The following NCOA3 variants were observed in gnomAD, a reference collection of about 807,000 sequenced individuals.
NCOA3 encodes the protein nuclear receptor coactivator 3.
Under a neutral mutation model 158.8 loss-of-function variants are expected in NCOA3, and 51 were observed. That is an observed-to-expected ratio of 0.32 (90% CI 0.26 to 0.41). The LOEUF is 0.41. Ranked by LOEUF, NCOA3 falls within the 10% of genes least tolerant of loss-of-function variation. The pLI is 1.00. For synonymous variants in NCOA3, 537 were observed against 592.4 expected (o/e 0.91, Z 1.36); for missense variants, 1,510 against 1,746.6 (o/e 0.86, Z 2.41).
rs565862624 is a variant in NCOA3 at position 47,615,884 on chromosome 20, G to T, written c.-19-6345G>T. 1.3e-4 allele frequency among the ~76,000 whole-genome samples: 20 copies of T among 152,250 alleles called. No individual in the cohort carries two copies. In the South Asian group the frequency reaches 3.9e-3, roughly 30 times the overall value. On this transcript the variant is annotated intron_variant, in intron 2 of 22. Coordinates refer to ENST00000371998, the MANE Select transcript of NCOA3 (RefSeq NM_181659.3). ...TACATTAAAGTAATTGTGACGAGAC[G>T]TGGTGGCTCACGCCTGTAATTCCAG...
chr20:47,618,303 C>T lies in NCOA3; in HGVS notation c.-19-3926C>T, dbSNP rs193299103. ...TCTTAAACAATTATACCTTTATGTT[C>T]GGGTAAACACCTTTTTCATGATTTT... On this transcript the variant is annotated intron_variant, in intron 2 of 22. Coordinates refer to ENST00000371998, the MANE Select transcript of NCOA3 (RefSeq NM_181659.3). Among the ~76,000 whole-genome samples, 303 of 148,436 alleles carry T rather than the reference C, an allele frequency of 2.0e-3. 3 individuals are homozygous for T. The highest frequency in any genetic ancestry group is 3.6e-3 in the Middle Eastern group (1 of 278).
Position 47,654,218 on chromosome 20 carries a change from T to TA in NCOA3, c.*802dup, listed in dbSNP as rs1320510570. On this transcript the variant is annotated 3_prime_UTR_variant, in exon 23 of 23. Coordinates refer to ENST00000371998, the MANE Select transcript of NCOA3 (RefSeq NM_181659.3). ...CACATTCCTGGTTTTTGCCTACACT[T>TA]ACGTGTTAGACAAGAACTATGATTT... 1.3e-5 allele frequency: 2 copies of TA among 152,644 alleles called. No homozygotes were observed. Among genetic ancestry groups the TA allele is most frequent in the African/African-American group, 4.8e-5 (2 of 41,456 alleles). 9.5% of individuals were successfully genotyped at this position (152,644 alleles called of 1,614,324 possible). A position where few individuals can be genotyped will look rare whatever the true frequency, so the allele number is the denominator to read the frequency against.
intron 1 of NCOA3, among the ~76,000 whole-genome samples, chr20:47,513,811 C>T (rs1353462472): frequency 6.6e-6 from 1 of 150,568 alleles, no homozygotes; most frequent in African/African-American, 2.5e-5. Context: ...AAAGTATGTA[C>T]AGTGCAAAGC....
rs199511373 is a variant in NCOA3 at position 47,546,104 on chromosome 20, T to C, written c.-98-37079T>C. Among the ~76,000 whole-genome samples the C allele has an allele frequency of 3.3e-5, 5 of 152,338 alleles. No individual in the cohort carries two copies. In the East Asian group the frequency reaches 5.8e-4, roughly 18 times the overall value. Reference sequence around the variant, plus strand: ...TGAACCTTTTCATTTAGATTTCTAATGGACAACTGAAACTCAACATGTCCC... The same window carrying C: ...TGAACCTTTTCATTTAGATTTCTAACGGACAACTGAAACTCAACATGTCCC... On this transcript the variant is annotated intron_variant, in intron 1 of 22. Coordinates refer to ENST00000371998, the MANE Select transcript of NCOA3 (RefSeq NM_181659.3).
intron 1 of NCOA3, among the ~76,000 whole-genome samples, chr20:47,554,282 G>A (rs1234011282): frequency 6.6e-6 from 1 of 152,010 alleles, no homozygotes; most frequent in East Asian, 1.9e-4. Context: ...TGAGTTCATT[G>A]TAGATTCTGG....
At chr20:47,617,937 T>TA (rs1465560579) in intron 2 of NCOA3, among the ~76,000 whole-genome samples, 2 of 152,142 alleles carry the variant, frequency 1.3e-5, no homozygotes, top group Non-Finnish European at 2.9e-5. Context: ...AACCTGTTCC[T>TA]AAAAAACCCA....
chr20:47,507,118 A>C (rs565288781), intron 1 of NCOA3, among the ~76,000 whole-genome samples: 1 of 152,220 alleles, frequency 6.6e-6, no homozygotes, highest in Non-Finnish European at 1.5e-5. Flanking sequence ...ATAATCCTCA[A>C]TTAGGATAAG....
intron 13 of NCOA3, among the ~76,000 whole-genome samples, chr20:47,638,278 C>G (rs754287761): frequency 9.9e-5 from 15 of 152,172 alleles, no homozygotes; most frequent in Non-Finnish European, 2.2e-4. Flanking sequence ...GGCATGGTGG[C>G]TCACACCTGT....
chr20:47,532,643 A>AT (rs1195672558), intron 1 of NCOA3, among the ~76,000 whole-genome samples: 14 of 151,268 alleles, frequency 9.3e-5, no homozygotes, highest in Admixed American at 4.6e-4. Flanking sequence ...AATTAAAAAA[A>AT]TTTTTTTTTC....
At chr20:47,622,158 C>T (rs2146297470) in intron 2 of NCOA3, 71 bp from the exon 3 acceptor site, 2 of 746,626 alleles carry the variant, frequency 2.7e-6, no homozygotes, top group Middle Eastern at 2.4e-4. Flanking sequence ...GTCATTCAGT[C>T]ATATAACACC....
chr20:47,530,859 A>C (rs2084533462), intron 1 of NCOA3, among the ~76,000 whole-genome samples: 1 of 152,152 alleles, frequency 6.6e-6, no homozygotes, highest in South Asian at 2.1e-4. Flanking sequence ...GGCTCCTTGA[A>C]ATTTAAAGGC....
chr20:47,613,533 C>CA (rs2086077701), intron 2 of NCOA3, among the ~76,000 whole-genome samples: 1 of 147,772 alleles, frequency 6.8e-6, no homozygotes, highest in South Asian at 2.2e-4. Flanking sequence ...CTTTATCCTA[C>CA]AAAACATAAT....
intron 1 of NCOA3, among the ~76,000 whole-genome samples, chr20:47,567,107 A>T (rs1019842387): frequency 1.3e-5 from 2 of 151,612 alleles, no homozygotes; most frequent in African/African-American, 2.4e-5. Context: ...GAGTGCAGTG[A>T]TGTGATCTTA....
chr20:47,511,524 G>GTT (rs2084130844), intron 1 of NCOA3, among the ~76,000 whole-genome samples: 1 of 22,020 alleles, frequency 4.5e-5, no homozygotes, highest in Non-Finnish European at 1.3e-4. Context: ...TCTCTCTCGA[G>GTT]ATATATATAT....
intron 2 of NCOA3, among the ~76,000 whole-genome samples, chr20:47,597,796 TC>T (rs977547392): frequency 8.6e-5 from 13 of 151,682 alleles, no homozygotes; most frequent in Non-Finnish European, 1.9e-4. Context: ...GCCTAACCTT[TC>T]CTTTTGATTC....
intron 1 of NCOA3, among the ~76,000 whole-genome samples, chr20:47,506,174 A>C (rs1174959342): frequency 1.3e-5 from 2 of 152,118 alleles, no homozygotes; most frequent in African/African-American, 4.8e-5. Flanking sequence ...TTCAGAATTA[A>C]GGTGGAGGAG....
At chr20:47,626,561 T>G (rs2086325081) in intron 5 of NCOA3, among the ~76,000 whole-genome samples, 1 of 151,178 alleles carries the variant, frequency 6.6e-6, no homozygotes, top group Non-Finnish European at 1.5e-5. Context: ...TGGTGGCTTA[T>G]AGTTGTTTGC....
intron 1 of NCOA3, among the ~76,000 whole-genome samples, chr20:47,514,739 CAG>C (rs1404602600): frequency 9.2e-6 from 1 of 108,988 alleles, no homozygotes; most frequent in Non-Finnish European, 1.7e-5. Flanking sequence ...TTTTTTGAGA[CAG>C]AGTCTTGCTC....
chr20:47,528,471 A>T (rs1324469258), intron 1 of NCOA3, among the ~76,000 whole-genome samples: 2 of 152,198 alleles, frequency 1.3e-5, no homozygotes, highest in Non-Finnish European at 2.9e-5. Context: ...AAAAACACTT[A>T]ATCTTGCCTA....
Sources: gnomAD v4.1 joint callset for allele counts (sites outside exome capture counted in the v4.1 genomes callset) on GRCh38, gnomAD v4.1.1 for gene constraint, MANE v1.5 for transcripts, NCBI Gene and HGNC (gene_info 2026-07-23, HGNC 2026-07-21) for gene names.